INPP4B: variants seen among roughly 807,000 people sequenced by gnomAD.
INPP4B encodes the protein inositol polyphosphate-4-phosphatase type II B, also known as inositol polyphosphate 4-phosphatase type II.
A neutral mutation model predicts 122.5 loss-of-function variants in INPP4B; 55 were observed. That is an observed-to-expected ratio of 0.45 (90% confidence interval 0.36 to 0.56). The LOEUF (loss-of-function observed/expected upper bound fraction) is 0.56. INPP4B is among the 20% of genes least tolerant of loss of function. INPP4B has a pLI of 0.00. For synonymous variants in INPP4B, 403 were observed against 388.7 expected (o/e 1.04, Z -0.43); for missense variants, 1,000 against 1,097.7 (o/e 0.91, Z 1.26).
intron 25 of INPP4B, among the ~76,000 whole-genome samples, chr4:142,066,360 T>G (rs979927658): frequency 6.6e-6 from 1 of 152,190 alleles, no homozygotes; most frequent in Non-Finnish European, 1.5e-5. Flanking sequence ...ATGTTAAAAA[T>G]GTAACAATAT....
At chr4:142,744,313 G>A (rs959018218) in intron 1 of INPP4B, among the ~76,000 whole-genome samples, 3 of 151,648 alleles carry the variant, frequency 2.0e-5, no homozygotes, top group African/African-American at 7.3e-5. Context: ...AGAAATGGGG[G>A]ACAATATCCA....
chr4:142,161,067 A>G (rs191564600), intron 16 of INPP4B, among the ~76,000 whole-genome samples: 1 of 152,120 alleles, frequency 6.6e-6, no homozygotes, highest in African/African-American at 2.4e-5. Context: ...TTTTAGTGTC[A>G]TAAACAGATC....
rs1442370448 is a variant in INPP4B at position 142,237,858 on chromosome 4, T to C, written c.836+6A>G. On this transcript the variant is annotated splice_donor_region_variant and intron_variant, in intron 12 of 25. Transcript: ENST00000262992. ...AATATGAGAGAAAATAGTTATTTTC[T>C]CTTACCTGCACAAATCTTCTTTAAT... 8 of 1,507,002 alleles carry C rather than the reference T, an allele frequency of 5.3e-6. No homozygotes were observed. The highest frequency in any genetic ancestry group is 7.2e-6 in the Non-Finnish European group (8 of 1,103,746). 93.4% of individuals were successfully genotyped at this position (1,507,002 alleles called of 1,614,324 possible). A position where few individuals can be genotyped will look rare whatever the true frequency, so the allele number is the denominator to read the frequency against.
At chr4:142,345,451 C>CA (rs1302229139) in intron 7 of INPP4B, among the ~76,000 whole-genome samples, 1 of 151,860 alleles carries the variant, frequency 6.6e-6, no homozygotes, top group Non-Finnish European at 1.5e-5. Flanking sequence ...ATGTGTATAC[C>CA]ATGCATTCAG....
In INPP4B at chr4:142,253,868, C is replaced by A. The variant is rs546566686; in HGVS notation, c.688+6624G>T. Reference sequence around the variant, plus strand: ...GGAGCCCACCACAGCTCAAGGAGGCCTGCCTGCCTCTGTAGGCTCCACCTC... The same window carrying A: ...GGAGCCCACCACAGCTCAAGGAGGCATGCCTGCCTCTGTAGGCTCCACCTC... On this transcript the variant is annotated intron_variant, in intron 11 of 25. Transcript: ENST00000262992. Among the ~76,000 whole-genome samples, 826 of 152,280 alleles carry A rather than the reference C, an allele frequency of 5.4e-3. 2 individuals carry two copies. The highest frequency in any genetic ancestry group is 9.0e-3 in the Non-Finnish European group (609 of 68,018).
In INPP4B at chr4:142,024,980, C is replaced by T. The variant is rs1299418453; in HGVS notation, c.*3802G>A. On this transcript the variant is annotated 3_prime_UTR_variant, in exon 26 of 26. Coordinates refer to ENST00000262992, the MANE Select transcript of INPP4B (RefSeq NM_001101669.3). ...AGGAGTCTTTAAAGAAGGTAAAAAC[C>T]AAAACATTTATATAACCAAAATTAT... The T allele has an allele frequency of 6.6e-6, 1 of 151,462 alleles. No homozygotes were observed. The highest frequency in any genetic ancestry group is 1.5e-5 in the Non-Finnish European group (1 of 67,862). 9.4% of individuals were successfully genotyped at this position (151,462 alleles called of 1,614,324 possible).
chr4:142,347,531 A>T (rs1178431290), intron 7 of INPP4B: 1 of 441,918 alleles, frequency 2.3e-6, no homozygotes, highest in East Asian at 7.5e-5. Context: ...AAAAATTCAC[A>T]GTGAAGTTAA....
intron 2 of INPP4B, among the ~76,000 whole-genome samples, chr4:142,512,252 A>G (rs1824813475): frequency 6.6e-6 from 1 of 152,202 alleles, no homozygotes; most frequent in Non-Finnish European, 1.5e-5. Context: ...TTAGGTATAC[A>G]GCACCATGCT....
At chr4:142,833,543 A>G (rs1029677295) in intron 1 of INPP4B, among the ~76,000 whole-genome samples, 1 of 152,008 alleles carries the variant, frequency 6.6e-6, no homozygotes, top group Non-Finnish European at 1.5e-5. Context: ...TTTTTAGACA[A>G]TCACACTAAT....
At chr4:142,347,528 C>G in intron 7 of INPP4B, 1 of 440,844 alleles carries the variant, frequency 2.3e-6, no homozygotes, top group Admixed American at 2.4e-5. Context: ...TCAAAAAATT[C>G]ACAGTGAAGT....
Position 142,608,652 on chromosome 4 carries a change from C to T in INPP4B, c.-191+117187G>A, listed in dbSNP as rs182256058. On this transcript the variant is annotated intron_variant, in intron 2 of 25. Transcript: ENST00000262992. ...GTACCCTTTGGTCTCCACTTGCTCT[C>T]CCTCTGACCTACTCTGTACAACACC... 2.6e-5 allele frequency among the ~76,000 whole-genome samples: 4 copies of T among 152,202 alleles called. No homozygotes were observed. In the East Asian group the frequency reaches 7.7e-4, roughly 29 times the overall value.
intron 7 of INPP4B, among the ~76,000 whole-genome samples, chr4:142,397,458 T>A (rs1419113338): frequency 1.3e-5 from 2 of 152,202 alleles, no homozygotes; most frequent in African/African-American, 2.4e-5. Flanking sequence ...TTATATATGC[T>A]TAAGTGCCTA....
intron 2 of INPP4B, among the ~76,000 whole-genome samples, chr4:142,543,749 TA>T (rs1188341626): frequency 1.3e-5 from 2 of 152,166 alleles, no homozygotes; most frequent in African/African-American, 2.4e-5. Flanking sequence ...CAACAGAATA[TA>T]TATTGTATAT....
intron 2 of INPP4B, among the ~76,000 whole-genome samples, chr4:142,715,092 G>C (rs543707118): frequency 1.3e-4 from 20 of 152,208 alleles, no homozygotes; most frequent in African/African-American, 4.6e-4. Flanking sequence ...TCCTCTCCCA[G>C]AGCTCAAACC....
At chr4:142,535,564 C>G (rs760594467) in intron 2 of INPP4B, among the ~76,000 whole-genome samples, 2 of 152,048 alleles carry the variant, frequency 1.3e-5, no homozygotes, top group Admixed American at 6.6e-5. Flanking sequence ...TGAGCTATAG[C>G]GAATCTCTCA....
At chr4:142,706,685 A>G (rs1223739418) in intron 2 of INPP4B, among the ~76,000 whole-genome samples, 3 of 152,248 alleles carry the variant, frequency 2.0e-5, no homozygotes, top group Admixed American at 6.5e-5. Flanking sequence ...TGAAGTTTAA[A>G]GCAGGGATCT....
At chr4:142,068,079 G>C (rs1351052801) in intron 25 of INPP4B, among the ~76,000 whole-genome samples, 2 of 152,184 alleles carry the variant, frequency 1.3e-5, no homozygotes, top group Non-Finnish European at 2.9e-5. Context: ...GGCAGCCAGA[G>C]AGAAAGGTTG....
chr4:142,364,762 G>C (rs1412227440), intron 7 of INPP4B, among the ~76,000 whole-genome samples: 1 of 152,012 alleles, frequency 6.6e-6, no homozygotes, highest in Non-Finnish European at 1.5e-5. Context: ...ACTGCAGAAG[G>C]AAAGTCCCCC....
In INPP4B at chr4:142,429,360, T is replaced by C. The variant is rs1808800915; in HGVS notation, c.92-143A>G. ...GAATAAACTTGGTTTATCAGGGTTA[T>C]AAATAATCAGTTCTCAGGGCAGGGC... On this transcript the variant is annotated intron_variant, in intron 4 of 25. Transcript: ENST00000262992. The C allele has an allele frequency of 9.0e-6, 5 of 553,688 alleles. No individual in the cohort carries two copies. The South Asian group carries it at 1.3e-4, about 15-fold the overall frequency. 34.3% of individuals were successfully genotyped at this position (553,688 alleles called of 1,614,324 possible).
Sources: gnomAD v4.1 joint callset for allele counts (sites outside exome capture counted in the v4.1 genomes callset) on GRCh38, gnomAD v4.1.1 for gene constraint, MANE v1.5 for transcripts, NCBI Gene and HGNC (gene_info 2026-07-23, HGNC 2026-07-21) for gene names.